The following PACSIN1 variants were observed in gnomAD, a reference collection of about 807,000 sequenced individuals.
PACSIN1 encodes the protein protein kinase C and casein kinase substrate in neurons protein 1.
In PACSIN1, 15 loss-of-function variants were observed where a neutral mutation model predicts 59.5. The observed-to-expected ratio is 0.25, with a 90% CI of 0.17 to 0.39. The LOEUF (loss-of-function observed/expected upper bound fraction) is 0.39. PACSIN1 is among the 10% of genes least tolerant of loss of function. The pLI is 1.00. For synonymous variants in PACSIN1, 210 were observed against 220.6 expected (o/e 0.95, Z 0.42); for missense variants, 420 against 580.2 (o/e 0.72, Z 2.84).
intron 1 of PACSIN1, among the ~76,000 whole-genome samples, chr6:34,468,992 C>G (rs1212161157): frequency 6.6e-6 from 1 of 152,190 alleles, no homozygotes; most frequent in Non-Finnish European, 1.5e-5. Context: ...GGGACCCATT[C>G]AGAAGTTTGC....
At position 34,505,481 on chromosome 6, in the gene PACSIN1, C is replaced by T. The variant is rs534505568; in HGVS notation, c.-63-20762C>T. Among the ~76,000 whole-genome samples the T allele has an allele frequency of 3.4e-5, 5 of 148,142 alleles. No individual in the cohort carries two copies. In the East Asian group the frequency reaches 9.9e-4, roughly 29 times the overall value. On this transcript the variant is annotated intron_variant, in intron 1 of 9. Transcript: ENST00000244458. ...GACTCTAAAAACATGAATGTTAGAG[C>T]TTCTATTTTAGTTCCACAGGTTCCT...
In PACSIN1 at chr6:34,530,180, C is replaced by T; in HGVS notation, c.789-63C>T. 1.9e-6 allele frequency: 3 copies of T among 1,543,362 alleles called. No homozygotes were observed. The highest frequency in any genetic ancestry group is 2.6e-6 in the Non-Finnish European group (3 of 1,140,230). On this transcript the variant is annotated intron_variant, in intron 6 of 9. Coordinates refer to ENST00000244458, the MANE Select transcript of PACSIN1 (RefSeq NM_020804.5). This position sits in a 1 kb window ranked among gnomAD's most constrained non-coding sequence, Gnocchi z 4.4. ...CCCTGAGTGGACTCTGGCCTCTCAC[C>T]AAGGTTGAGGAGGGGCCATGTTGAA...
chr6:34,486,049 A>G (rs933940262), intron 1 of PACSIN1, among the ~76,000 whole-genome samples: 4 of 152,112 alleles, frequency 2.6e-5, no homozygotes, highest in African/African-American at 9.7e-5. Context: ...AAACAACAGC[A>G]TGATTCTCTC....
At position 34,530,479 on chromosome 6, in the gene PACSIN1, C is replaced by T. The variant is rs748010524; in HGVS notation, c.929C>T (p.Pro310Leu). Residue 310 changes from proline (P) to leucine (L), a missense_variant, in exon 8 of 10, where the codon CCT becomes CTT. Coordinates refer to ENST00000244458, the MANE Select transcript of PACSIN1 (RefSeq NM_020804.5). This position sits in a 1 kb window ranked among gnomAD's most constrained non-coding sequence, Gnocchi z 4.4. ...CACCAGGAGTGGAACCCAGACCTTC[C>T]TCACACCACCACCAAGAAGGAGAAA... ...PQFEEWNPDL[P>L]HTTTKKEKQP... 16 of 1,603,846 alleles carry T rather than the reference C, an allele frequency of 1.0e-5. No individual in the cohort carries two copies. In the South Asian group the frequency reaches 1.7e-4, roughly 17 times the overall value.
At chr6:34,506,919 G>T (rs1204012188) in intron 1 of PACSIN1, among the ~76,000 whole-genome samples, 1 of 152,182 alleles carries the variant, frequency 6.6e-6, no homozygotes, top group Non-Finnish European at 1.5e-5. Flanking sequence ...CACCCTGGCG[G>T]TGGGGGATGG....
At chr6:34,523,941 A>C (rs924837188) in intron 1 of PACSIN1, among the ~76,000 whole-genome samples, 1 of 152,180 alleles carries the variant, frequency 6.6e-6, no homozygotes, top group African/African-American at 2.4e-5. Flanking sequence ...CTGGACACTC[A>C]CCACCTCATC....
chr6:34,525,707 A>C lies in PACSIN1; in HGVS notation c.-63-536A>C, dbSNP rs1182001638. On this transcript the variant is annotated intron_variant, in intron 1 of 9. Transcript: ENST00000244458. The surrounding 1 kb of genome is among the most constrained non-coding windows in gnomAD (Gnocchi z 4.9). ...TCGGCCCTGGGGCAGCGCACGGCCTAGATTGGATAACCCTGATGCCTGCCG... is the reference window on the plus strand; with the variant it reads ...TCGGCCCTGGGGCAGCGCACGGCCTCGATTGGATAACCCTGATGCCTGCCG... Among the ~76,000 whole-genome samples, 1 of 152,000 alleles carries C rather than the reference A, an allele frequency of 6.6e-6. No individual in the cohort carries two copies. Among genetic ancestry groups the C allele is most frequent in the Non-Finnish European group, 1.5e-5 (1 of 67,988 alleles).
chr6:34,475,793 C>T (rs188813413), intron 1 of PACSIN1, among the ~76,000 whole-genome samples: 296 of 152,268 alleles, frequency 1.9e-3, no homozygotes, highest in South Asian at 0.01. Context: ...TTGAGCCTTG[C>T]CACAAGCCTG....
chr6:34,474,516 G>A (rs1766611596), intron 1 of PACSIN1, among the ~76,000 whole-genome samples: 1 of 152,158 alleles, frequency 6.6e-6, no homozygotes, highest in African/African-American at 2.4e-5. Flanking sequence ...CAGGCTAGAT[G>A]CAGTGGCTCA....
intron 1 of PACSIN1, among the ~76,000 whole-genome samples, chr6:34,469,333 C>T (rs967609976): frequency 5.3e-5 from 8 of 152,198 alleles, no homozygotes; most frequent in Non-Finnish European, 1.0e-4. Context: ...CCATTAGCCA[C>T]ATCAGACCCA....
intron 2 of PACSIN1, 106 bp from the exon 3 acceptor site, chr6:34,527,226 C>T: frequency 2.8e-6 from 3 of 1,052,786 alleles, no homozygotes; most frequent in East Asian, 3.5e-5. Context: ...AGGCCGTAAG[C>T]GGGGAGGCGG....
In PACSIN1 at chr6:34,534,188, A is replaced by C. The variant is rs886756690; in HGVS notation, c.*1658A>C. ...CTCCTGCTGCTTCTCCCAACAGCCC[A>C]CTGTTAGGAGGTAGTAGACCCCAGC... On this transcript the variant is annotated 3_prime_UTR_variant, in exon 10 of 10. Coordinates refer to ENST00000244458, the MANE Select transcript of PACSIN1 (RefSeq NM_020804.5). 1.3e-5 allele frequency: 2 copies of C among 152,420 alleles called. No individual in the cohort carries two copies. Among genetic ancestry groups the C allele is most frequent in the Non-Finnish European group, 2.9e-5 (2 of 68,350 alleles). The allele number at this position is 152,420 out of a possible 1,614,324, so 9.4% of individuals were successfully genotyped here.
chr6:34,482,858 AT>A (rs1159627631), intron 1 of PACSIN1, among the ~76,000 whole-genome samples: 1 of 149,236 alleles, frequency 6.7e-6, no homozygotes, highest in Non-Finnish European at 1.5e-5. Flanking sequence ...TAATTTTTGT[AT>A]TTTTTTTAGT....
At chr6:34,470,243 C>T (rs1045488331) in intron 1 of PACSIN1, among the ~76,000 whole-genome samples, 4 of 151,126 alleles carry the variant, frequency 2.6e-5, no homozygotes, top group Non-Finnish European at 4.4e-5. Flanking sequence ...AGTGCAGTGG[C>T]GCGATCTTGG....
At chr6:34,476,566 A>C (rs1432242172) in intron 1 of PACSIN1, among the ~76,000 whole-genome samples, 1 of 152,058 alleles carries the variant, frequency 6.6e-6, no homozygotes. Flanking sequence ...CCTGCCCCAG[A>C]TGGGGCACCT....
intron 1 of PACSIN1, among the ~76,000 whole-genome samples, chr6:34,471,461 A>C (rs1203287233): frequency 6.6e-5 from 10 of 152,224 alleles, no homozygotes; most frequent in Admixed American, 1.3e-4. Context: ...GCTAGAGAGT[A>C]GTCCCTTATT....
At chr6:34,483,703 T>G (rs953293992) in intron 1 of PACSIN1, among the ~76,000 whole-genome samples, 1 of 139,714 alleles carries the variant, frequency 7.2e-6, no homozygotes, top group Non-Finnish European at 1.5e-5. Flanking sequence ...TGGAGTGCAA[T>G]GGTGCAATCT....
At chr6:34,508,898 A>G (rs981804965) in intron 1 of PACSIN1, among the ~76,000 whole-genome samples, 29 of 152,176 alleles carry the variant, frequency 1.9e-4, no homozygotes, top group African/African-American at 7.0e-4. Flanking sequence ...GGAGTTTCTT[A>G]TGTATTTTGG....
Position 34,529,800 on chromosome 6 carries a change from G to C in PACSIN1, c.747G>C (p.Leu249=), listed in dbSNP as rs1767557569. The C allele has an allele frequency of 6.2e-7, 1 of 1,613,812 alleles. No individual in the cohort carries two copies. Among genetic ancestry groups the C allele is most frequent in the Non-Finnish European group, 8.5e-7 (1 of 1,179,964 alleles). Residue 249 remains leucine (L), a synonymous_variant, in exon 6 of 10, where the codon CTG becomes CTC. Coordinates refer to ENST00000244458, the MANE Select transcript of PACSIN1 (RefSeq NM_020804.5). This position sits in a 1 kb window ranked among gnomAD's most constrained non-coding sequence, Gnocchi z 6.3. The part of the protein sequence containing the change: ...EKRLVFLKEV[L]LDIKRHLNLA... ...GGCTGGTCTTCCTCAAGGAGGTGCT[G>C]CTGGACATCAAACGGCACCTCAACC...
Sources: gnomAD v4.1 joint callset for allele counts (sites outside exome capture counted in the v4.1 genomes callset) on GRCh38, gnomAD v4.1.1 for gene constraint, Gnocchi (gnomAD v3.1) non-coding constraint, MANE v1.5 for transcripts, NCBI Gene and HGNC (gene_info 2026-07-23, HGNC 2026-07-21) for gene names.